The following LOC122513141 variants were observed in gnomAD, a reference collection of about 807,000 sequenced individuals.
At chr9:137,217,814 C>G in the LOC122513141 span, 18 of 397,458 alleles carry the variant, frequency 4.5e-5, no homozygotes, top group African/African-American at 3.5e-4. Flanking sequence ...TGAACTGTGC[C>G]CTGGGGCCCC....
At chr9:137,218,208 G>C in the LOC122513141 span, 6 of 398,420 alleles carry the variant, frequency 1.5e-5, no homozygotes, top group Non-Finnish European at 1.3e-5. Flanking sequence ...GGCCGGGTGC[G>C]CTGCCCGCTG....
chr9:137,217,762 C>G, the LOC122513141 span: 1 of 390,532 alleles, frequency 2.6e-6, no homozygotes, highest in Non-Finnish European at 4.5e-6. Context: ...CCCTGGGGTC[C>G]CTGTCCTCCT....
the LOC122513141 span, chr9:137,218,532 T>TGCTGCTGGTCTTCACGCC: frequency 2.6e-4 from 103 of 400,908 alleles, no homozygotes; most frequent in Middle Eastern, 6.2e-4. Flanking sequence ...CTTCTGGGGC[T>TGCTGCTGGTCTTCACGCC]GCTGCTGGTC....
At chr9:137,218,773 A>G in the LOC122513141 span, 1 of 397,106 alleles carries the variant, frequency 2.5e-6, no homozygotes, top group Non-Finnish European at 4.4e-6. Context: ...AACCAGGGCT[A>G]CCCAGAGGCC....
At chr9:137,218,848 G>A in the LOC122513141 span, 26 of 388,640 alleles carry the variant, frequency 6.7e-5, no homozygotes, top group Middle Eastern at 6.3e-4. Flanking sequence ...GGACACCAGC[G>A]CCCAAGGACA....
the LOC122513141 span, chr9:137,217,840 C>T: frequency 2.5e-4 from 99 of 398,068 alleles, no homozygotes; most frequent in Middle Eastern, 6.3e-4. Flanking sequence ...TCCACCTGGC[C>T]GACTCCAGCT....
the LOC122513141 span, chr9:137,218,295 C>CA: frequency 2.5e-6 from 1 of 398,302 alleles, no homozygotes; most frequent in African/African-American, 2.1e-5. Context: ...GACGGGCCCT[C>CA]ACGCCAGCCC....
chr9:137,218,356 C>T, the LOC122513141 span: 11 of 397,984 alleles, frequency 2.8e-5, no homozygotes, highest in Middle Eastern at 6.2e-4. Context: ...CCTGGGGCTC[C>T]CTGGAGCACC....
chr9:137,218,388 CA>C, the LOC122513141 span: 1 of 398,318 alleles, frequency 2.5e-6, no homozygotes, highest in African/African-American at 2.1e-5. Context: ...CGCTTCCTGG[CA>C]GGGCCCGTGG....
the LOC122513141 span, chr9:137,218,185 C>T: frequency 5.0e-6 from 2 of 398,430 alleles, no homozygotes; most frequent in Non-Finnish European, 8.8e-6. Flanking sequence ...GCTCGGCCTC[C>T]AGTGCCGACC....
chr9:137,218,711 G>T, the LOC122513141 span: 2 of 397,720 alleles, frequency 5.0e-6, no homozygotes, highest in Non-Finnish European at 8.9e-6. Context: ...AAAACCCAAG[G>T]TTGGGTCCAG....
At chr9:137,218,097 A>G in the LOC122513141 span, 14 of 398,734 alleles carry the variant, frequency 3.5e-5, no homozygotes, top group South Asian at 1.3e-4. Flanking sequence ...ACAGAGCCCT[A>G]CGGGCCCAGA....
At chr9:137,218,525 C>G in the LOC122513141 span, 2 of 401,096 alleles carry the variant, frequency 5.0e-6, no homozygotes, top group Non-Finnish European at 8.8e-6. Flanking sequence ...CCTTGAGCTT[C>G]TGGGGCTGCT....
the LOC122513141 span, chr9:137,218,841 C>G: frequency 2.6e-6 from 1 of 390,454 alleles, no homozygotes; most frequent in Non-Finnish European, 4.5e-6. Flanking sequence ...AACCCAAGGA[C>G]ACCAGCGCCC....
the LOC122513141 span, chr9:137,218,305 C>A: frequency 2.5e-6 from 1 of 398,248 alleles, no homozygotes; most frequent in Non-Finnish European, 4.4e-6. Context: ...CACGCCAGCC[C>A]CGCCGAGAGG....
chr9:137,217,931 G>A, the LOC122513141 span: 3 of 398,540 alleles, frequency 7.5e-6, no homozygotes, highest in South Asian at 3.8e-4. Context: ...AAGCAAAGGG[G>A]ATGACCTTGG....
the LOC122513141 span, chr9:137,217,861 C>T: frequency 1.0e-5 from 4 of 398,402 alleles, no homozygotes. Context: ...CTGGGCCTGT[C>T]AGTCCACCTG....
the LOC122513141 span, chr9:137,218,036 G>A: frequency 2.5e-6 from 1 of 399,330 alleles, no homozygotes; most frequent in African/African-American, 2.1e-5. Flanking sequence ...GAAGGAGGAG[G>A]GGAGAGAGCA....
chr9:137,218,222 C>T, the LOC122513141 span: 15 of 398,260 alleles, frequency 3.8e-5, no homozygotes, highest in African/African-American at 1.2e-4. Context: ...CCCGCTGTGC[C>T]GCCAGAAGAC....
Sources: allele counts gnomAD v4.1 joint callset, GRCh38; gene constraint gnomAD v4.1.1; transcripts MANE v1.5.